The following AGTPBP1 variants were observed in gnomAD, a reference collection of about 807,000 sequenced individuals.
The protein encoded by AGTPBP1 is cytosolic carboxypeptidase 1.
In AGTPBP1, 70 loss-of-function variants were observed where a neutral mutation model predicts 143.9. The observed-to-expected ratio is 0.49, with a 90% CI of 0.40 to 0.59. AGTPBP1 has a LOEUF of 0.59. Among genes scored for constraint, AGTPBP1 ranks in the 20% least tolerant of loss-of-function variants. AGTPBP1 has a pLI of 0.00. For synonymous variants in AGTPBP1, 463 were observed against 500.2 expected (o/e 0.93, Z 0.99); for missense variants, 1,229 against 1,464.5 (o/e 0.84, Z 2.62).
At chr9:85,619,481 A>G (rs2133532226) in intron 15 of AGTPBP1, among the ~76,000 whole-genome samples, 180 bp from the exon 16 acceptor site, 1 of 152,352 alleles carries the variant, frequency 6.6e-6, no homozygotes, top group South Asian at 2.1e-4. Flanking sequence ...AGATTTATGG[A>G]CAAAACTTAT....
At chr9:85,676,626 T>TG (rs150427431) in intron 6 of AGTPBP1, among the ~76,000 whole-genome samples, 23 of 152,256 alleles carry the variant, frequency 1.5e-4, no homozygotes, top group African/African-American at 5.3e-4. Flanking sequence ...GAAAACAGTA[T>TG]GGGGGTTCCC....
At chr9:85,575,589 G>T in intron 24 of AGTPBP1, 114 bp from the exon 25 acceptor site, 1 of 857,060 alleles carries the variant, frequency 1.2e-6, no homozygotes, top group Non-Finnish European at 1.6e-6. Flanking sequence ...TTAAAAGGCT[G>T]GTACTTTGTA....
the AGTPBP1 span, among the ~76,000 whole-genome samples, chr9:85,768,184 C>T: frequency 6.6e-6 from 1 of 152,228 alleles, no homozygotes; most frequent in African/African-American, 2.4e-5. Flanking sequence ...TCTATATTCA[C>T]ACTACCTTAT....
chr9:85,579,160 T>C (rs1828082412), intron 23 of AGTPBP1, 64 bp from the exon 24 acceptor site: 4 of 1,472,464 alleles, frequency 2.7e-6, no homozygotes, highest in Admixed American at 2.8e-5. Context: ...TGTTTTTAAT[T>C]TTAAAAAGTT....
At chr9:85,783,748 CCTCAGCCTCCTCAGT>C in the AGTPBP1 span, among the ~76,000 whole-genome samples, 6 of 152,230 alleles carry the variant, frequency 3.9e-5, no homozygotes, top group African/African-American at 1.4e-4. Flanking sequence ...AATTCTCCTG[CCTCAGCCTCCTCAGT>C]AGCTGGGATT....
chr9:85,579,079 C>T lies in AGTPBP1; in HGVS notation c.3183G>A (p.Leu1061=). Residue 1061 remains leucine, a synonymous_variant, in exon 24 of 26, where the codon CTG becomes CTA. Coordinates refer to ENST00000357081, the MANE Select transcript of AGTPBP1 (RefSeq NM_001330701.2). ...DTGYRTLPKI[L]SHIAPAFCMS... is the part of the protein sequence containing the mutation. ...TGCAAAATGCTGGGGCGATATGGCT[C>T]AGTATCTTAGGCAATGTCTGTTAAA... 6.2e-7 allele frequency: 1 copy of T among 1,606,708 alleles called. No individual in the cohort carries two copies. The highest frequency in any genetic ancestry group is 8.5e-7 in the Non-Finnish European group (1 of 1,177,848).
intron 14 of AGTPBP1, among the ~76,000 whole-genome samples, chr9:85,624,620 A>G (rs972024435): frequency 6.6e-6 from 1 of 152,228 alleles, no homozygotes; most frequent in Non-Finnish European, 1.5e-5. Flanking sequence ...TAAACTTCAT[A>G]TAAGAAATCC....
chr9:85,586,464 T>C (rs751328617), intron 22 of AGTPBP1, among the ~76,000 whole-genome samples: 8 of 152,146 alleles, frequency 5.3e-5, no homozygotes, highest in Non-Finnish European at 1.0e-4. Context: ...ATGTATACAG[T>C]CCAGTCCAGT....
intron 25 of AGTPBP1, 79 bp downstream of exon 25, chr9:85,575,236 T>G: frequency 8.9e-7 from 1 of 1,126,210 alleles, no homozygotes. Context: ...CTGTCAAAAT[T>G]TCCATGCCTT....
At chr9:85,791,107 C>T in the AGTPBP1 span, among the ~76,000 whole-genome samples, 7 of 152,096 alleles carry the variant, frequency 4.6e-5, no homozygotes, top group Admixed American at 6.6e-5. Context: ...CAGCCAGGCA[C>T]GGTGGCTCAT....
chr9:85,718,289 A>G (rs542900442), intron 1 of AGTPBP1, among the ~76,000 whole-genome samples: 1 of 152,316 alleles, frequency 6.6e-6, no homozygotes, highest in African/African-American at 2.4e-5. Flanking sequence ...TCCCACCAAC[A>G]GTGTAAGTGT....
intron 7 of AGTPBP1, among the ~76,000 whole-genome samples, chr9:85,671,849 G>A (rs150874572): frequency 6.6e-6 from 1 of 152,218 alleles, no homozygotes; most frequent in East Asian, 1.9e-4. Flanking sequence ...CCTATTGATT[G>A]CTGAAGAGAA....
At chr9:85,764,904 T>C in the AGTPBP1 span, 3 of 1,135,788 alleles carry the variant, frequency 2.6e-6, no homozygotes, top group Non-Finnish European at 4.0e-6. Flanking sequence ...AACTTAAAAA[T>C]GGTAGAGTGT....
At chr9:85,566,529 CAAAAAAA>C (rs72129899) in intron 25 of AGTPBP1, among the ~76,000 whole-genome samples, 5 of 78,548 alleles carry the variant, frequency 6.4e-5, no homozygotes, top group African/African-American at 2.3e-4. Flanking sequence ...GACCATGTCT[CAAAAAAA>C]AAAAAAAAAA....
intron 2 of AGTPBP1, among the ~76,000 whole-genome samples, chr9:85,703,441 G>A (rs1415315614): frequency 6.6e-6 from 1 of 152,222 alleles, no homozygotes; most frequent in Non-Finnish European, 1.5e-5. Context: ...TAGCAACAAT[G>A]GGCATGGAGA....
intron 6 of AGTPBP1, among the ~76,000 whole-genome samples, chr9:85,675,675 A>G (rs749592057): frequency 6.6e-5 from 10 of 152,192 alleles, no homozygotes; most frequent in Non-Finnish European, 1.3e-4. Context: ...ACCACATGCA[A>G]TAGAATTCCT....
intron 1 of AGTPBP1, among the ~76,000 whole-genome samples, chr9:85,719,180 T>A (rs1292283246): frequency 1.3e-5 from 2 of 152,126 alleles, no homozygotes; most frequent in Admixed American, 6.5e-5. Context: ...AACTTTAGAG[T>A]AGTTTTTTCC....
At chr9:85,743,676 G>A (rs1472864914), upstream of AGTPBP1, among the ~76,000 whole-genome samples, 1 of 152,146 alleles carries the variant, frequency 6.6e-6, no homozygotes, top group Non-Finnish European at 1.5e-5. Context: ...AGCTCAGCGG[G>A]TGGCAGATCG....
the AGTPBP1 span, among the ~76,000 whole-genome samples, chr9:85,747,781 C>G: frequency 6.6e-6 from 1 of 152,018 alleles, no homozygotes; most frequent in Non-Finnish European, 1.5e-5. Context: ...CCATGAGGAA[C>G]TCCCATATTT....
Sources: allele counts gnomAD v4.1 joint callset (sites outside exome capture counted in the v4.1 genomes callset), GRCh38; gene constraint gnomAD v4.1.1; transcripts MANE v1.5; gene names NCBI Gene and HGNC (gene_info 2026-07-23, HGNC 2026-07-21).